NDUFAF2: variants seen among roughly 807,000 people sequenced by gnomAD.
NDUFAF2 encodes NADH dehydrogenase [ubiquinone] 1 alpha subcomplex assembly factor 2.
Under a neutral mutation model 22.8 loss-of-function variants are expected in NDUFAF2, and 13 were observed. The observed-to-expected ratio is 0.57, with a 90% confidence interval of 0.37 to 0.91. The LOEUF (loss-of-function observed/expected upper bound fraction) is 0.91. Ranked by LOEUF, NDUFAF2 falls within the 40% of genes least tolerant of loss-of-function variation. The pLI is 0.01. For synonymous variants in NDUFAF2, 53 were observed against 64.2 expected, an observed-to-expected ratio of 0.83 and a Z score of 0.84; for missense variants, 162 against 195.2, an observed-to-expected ratio of 0.83 and a Z score of 1.01.
intron 1 of NDUFAF2, among the ~76,000 whole-genome samples, chr5:60,990,125 G>A (rs1435427479): frequency 6.6e-6 from 1 of 152,162 alleles, no homozygotes; most frequent in Non-Finnish European, 1.5e-5. Context: ...TGAAGATAGA[G>A]AGTAGAGTGA....
rs995341233 is a variant in NDUFAF2, at chr5:61,138,810, G to A, written c.259-13894G>A. Among the ~76,000 whole-genome samples, 3 of 152,156 alleles carry A rather than the reference G, an allele frequency of 2.0e-5. No homozygotes were observed. The East Asian group carries it at 5.8e-4, about 29-fold the overall frequency. ...TAATAAGTAGTAGAAGGAAAATATG[G>A]TGGAGGCAGAAACTTGTTTCAAGTG... On this transcript the variant is annotated intron_variant, in intron 3 of 3. Transcript: ENST00000296597.
chr5:61,073,323 TTA>T (rs1010989073), intron 2 of NDUFAF2, 109 bp downstream of exon 2: 7 of 855,420 alleles, frequency 8.2e-6, no homozygotes, highest in Non-Finnish European at 1.4e-5. Flanking sequence ...CAAAAAAGTT[TTA>T]GTGTCTGAAT....
intron 1 of NDUFAF2, among the ~76,000 whole-genome samples, chr5:60,970,267 A>G (rs963271233): frequency 3.9e-5 from 6 of 152,234 alleles, no homozygotes; most frequent in East Asian, 1.9e-4. Context: ...GAAGAATGTC[A>G]TTGGTATTTT....
chr5:61,138,356 T>C (rs549641724), intron 3 of NDUFAF2, among the ~76,000 whole-genome samples: 2 of 152,298 alleles, frequency 1.3e-5, no homozygotes, highest in Admixed American at 1.3e-4. Context: ...TGATAAAATT[T>C]AGTGCTAGGT....
intron 1 of NDUFAF2, among the ~76,000 whole-genome samples, chr5:60,958,327 A>G (rs1750643194): frequency 6.6e-6 from 1 of 152,166 alleles, no homozygotes; most frequent in Admixed American, 6.5e-5. Flanking sequence ...GTTTTGGGAG[A>G]TAAAGGAAGT....
chr5:61,124,582 T>C (rs1753012624), intron 3 of NDUFAF2, among the ~76,000 whole-genome samples: 1 of 152,116 alleles, frequency 6.6e-6, no homozygotes, highest in Admixed American at 6.6e-5. Flanking sequence ...ATATCTACTG[T>C]ATTGTACATG....
chr5:60,975,860 G>A (rs932689830), intron 1 of NDUFAF2, among the ~76,000 whole-genome samples: 10 of 152,148 alleles, frequency 6.6e-5, no homozygotes, highest in African/African-American at 2.2e-4. Context: ...GTTCAAGTAC[G>A]ATATGCCGTT....
At chr5:61,066,912 A>G (rs1334450357) in intron 1 of NDUFAF2, among the ~76,000 whole-genome samples, 1 of 152,114 alleles carries the variant, frequency 6.6e-6, no homozygotes, top group Non-Finnish European at 1.5e-5. Flanking sequence ...GGAACAAAAC[A>G]GTGGTTACCT....
intron 1 of NDUFAF2, among the ~76,000 whole-genome samples, chr5:61,040,804 A>G (rs1481537835): frequency 3.3e-5 from 5 of 152,188 alleles, no homozygotes; most frequent in African/African-American, 1.2e-4. Context: ...GATATTTTGT[A>G]TGAAAAAATA....
intron 1 of NDUFAF2, among the ~76,000 whole-genome samples, chr5:60,975,635 G>T (rs926509173): frequency 6.6e-6 from 1 of 152,186 alleles, no homozygotes; most frequent in South Asian, 2.1e-4. Flanking sequence ...CAGAACACTG[G>T]TGTCTTCTGC....
intron 1 of NDUFAF2, among the ~76,000 whole-genome samples, chr5:60,964,810 C>T (rs1750733950): frequency 6.6e-6 from 1 of 152,140 alleles, no homozygotes; most frequent in Non-Finnish European, 1.5e-5. Context: ...TTACTCCGTC[C>T]TGTCAAAGAA....
chr5:60,948,632 GTTTA>G (rs756349174), intron 1 of NDUFAF2, among the ~76,000 whole-genome samples: 24 of 151,552 alleles, frequency 1.6e-4, no homozygotes, highest in Non-Finnish European at 3.4e-4. Context: ...TTTATCAGTA[GTTTA>G]TTTCTTTTTA....
chr5:61,091,935 C>T (rs1342106022), intron 2 of NDUFAF2, among the ~76,000 whole-genome samples: 1 of 152,154 alleles, frequency 6.6e-6, no homozygotes, highest in African/African-American at 2.4e-5. Context: ...ATCCCAGCAC[C>T]ATTTATTGCA....
At chr5:60,971,442 G>A (rs566251846) in intron 1 of NDUFAF2, among the ~76,000 whole-genome samples, 29 of 151,800 alleles carry the variant, frequency 1.9e-4, no homozygotes, top group African/African-American at 5.6e-4. Context: ...ACCCGCCACC[G>A]TGCCCGGCTA....
chr5:60,972,900 G>A lies in NDUFAF2; in HGVS notation c.127+27518G>A, dbSNP rs1032600966. 1.3e-3 allele frequency among the ~76,000 whole-genome samples: 196 copies of A among 148,776 alleles called. 1 individual carries two copies. The highest frequency in any genetic ancestry group is 4.7e-3 in the African/African-American group (189 of 40,412). On this transcript the variant is annotated intron_variant, in intron 1 of 3. Transcript: ENST00000296597. ...CCTTTTTTAATGCCCGTATTTCTTG[G>A]TTTCTTATTCTATTACTATCTCATT...
At chr5:61,069,716 C>G (rs1435803907) in intron 1 of NDUFAF2, among the ~76,000 whole-genome samples, 2 of 152,080 alleles carry the variant, frequency 1.3e-5, no homozygotes, top group Admixed American at 1.3e-4. Context: ...CATGTGAAAC[C>G]TGTCTTTTAC....
chr5:61,149,090 C>T (rs1741190440), intron 3 of NDUFAF2, among the ~76,000 whole-genome samples: 1 of 152,152 alleles, frequency 6.6e-6, no homozygotes, highest in Admixed American at 6.5e-5. Flanking sequence ...CATGCCTCAG[C>T]CTCCAGAGTA....
intron 1 of NDUFAF2, among the ~76,000 whole-genome samples, chr5:61,017,184 G>A (rs77188827): frequency 0.024 from 3,662 of 152,224 alleles, 62 homozygotes; most frequent in Non-Finnish European, 0.037. Context: ...AACTGATTAT[G>A]TCCTAATAAG....
intron 3 of NDUFAF2, among the ~76,000 whole-genome samples, chr5:61,144,764 C>G (rs1314416541): frequency 6.6e-6 from 1 of 152,162 alleles, no homozygotes; most frequent in Non-Finnish European, 1.5e-5. Context: ...TTAGCCTTCC[C>G]TCAGATATTA....
Sources: allele counts gnomAD v4.1 joint callset (sites outside exome capture counted in the v4.1 genomes callset), GRCh38; gene constraint gnomAD v4.1.1; transcripts MANE v1.5; gene names NCBI Gene and HGNC (gene_info 2026-07-23, HGNC 2026-07-21).